Variants in COG5 observed in about 807,000 individuals in gnomAD.
COG5 encodes the protein component of oligomeric golgi complex 5.
A neutral mutation model predicts 110.4 loss-of-function variants in COG5; 86 were observed. The observed-to-expected ratio is 0.78, with a 90% CI of 0.65 to 0.93. The LOEUF (loss-of-function observed/expected upper bound fraction) is 0.93, where lower values mean the gene tolerates loss of function less well. COG5 is among the 40% of genes least tolerant of loss of function. COG5 has a pLI of 0.00. For missense variants in COG5, 1,077 were observed against 987.0 expected (o/e 1.09, Z -1.22); for synonymous variants, 360 against 334.6 (o/e 1.08, Z -0.83).
intron 10 of COG5, among the ~76,000 whole-genome samples, chr7:107,340,143 GA>G (rs1366402263): frequency 6.6e-6 from 1 of 151,016 alleles, no homozygotes. Context: ...GATTAACAAA[GA>G]AAAAAAAGAA....
chr7:107,358,887 C>T (rs1385333300), intron 10 of COG5, among the ~76,000 whole-genome samples: 2 of 152,104 alleles, frequency 1.3e-5, no homozygotes, highest in Admixed American at 6.5e-5. Context: ...TGCATCTGGT[C>T]TCCTCTAGAT....
intron 6 of COG5, among the ~76,000 whole-genome samples, chr7:107,525,326 C>T (rs1477724678): frequency 6.6e-6 from 1 of 151,944 alleles, no homozygotes; most frequent in Non-Finnish European, 1.5e-5. Flanking sequence ...CAAAATTTAG[C>T]ACTTTTTTAA....
intron 10 of COG5, among the ~76,000 whole-genome samples, chr7:107,346,845 C>T (rs1014354802): frequency 6.6e-6 from 1 of 152,064 alleles, no homozygotes; most frequent in Non-Finnish European, 1.5e-5. Context: ...AATGCTATCC[C>T]TCCCCACTCC....
intron 7 of COG5, among the ~76,000 whole-genome samples, chr7:107,376,965 A>G (rs1814689117): frequency 6.6e-6 from 1 of 152,154 alleles, no homozygotes; most frequent in African/African-American, 2.4e-5. Flanking sequence ...CTCTGTGGCT[A>G]CATTTACTAA....
intron 6 of COG5, among the ~76,000 whole-genome samples, chr7:107,512,633 C>G (rs1799609292): frequency 6.6e-6 from 1 of 152,318 alleles, no homozygotes; most frequent in South Asian, 2.1e-4. Flanking sequence ...ATCATGCTAC[C>G]TGACTTCAAA....
rs532833202 is a variant in COG5, at chr7:107,229,888, G to A, written c.2168+727C>T. 3.9e-5 allele frequency among the ~76,000 whole-genome samples: 5 copies of A among 128,754 alleles called. No homozygotes were observed. In the South Asian group the frequency reaches 1.2e-3, roughly 31 times the overall value. 84.5% of individuals were successfully genotyped at this position (128,754 alleles called of 152,430 possible). On this transcript the variant is annotated intron_variant, in intron 19 of 21. Coordinates refer to ENST00000297135, the MANE Select transcript of COG5 (RefSeq NM_006348.5). ...TTTTTTTGAGACAGAGTCTCACTCT[G>A]TCGCCAGGCTGGGGTGCACTGGCGT...
At chr7:107,295,981 T>C (rs1806705698) in intron 12 of COG5, among the ~76,000 whole-genome samples, 1 of 152,062 alleles carries the variant, frequency 6.6e-6, no homozygotes, top group Non-Finnish European at 1.5e-5. Flanking sequence ...TCAGTAGAGA[T>C]GGTGTTTCAC....
At chr7:107,432,100 G>C (rs1157680771) in intron 6 of COG5, among the ~76,000 whole-genome samples, 1 of 152,086 alleles carries the variant, frequency 6.6e-6, no homozygotes, top group Non-Finnish European at 1.5e-5. Context: ...ATGATCCTTT[G>C]TACCCATTAC....
intron 8 of COG5, among the ~76,000 whole-genome samples, chr7:107,370,336 T>A (rs1024094923): frequency 3.9e-5 from 6 of 151,964 alleles, no homozygotes; most frequent in Admixed American, 2.0e-4. Context: ...TAAAAAAAAA[T>A]TTTCCCTGAA....
chr7:107,548,431 A>T, intron 3 of COG5, 99 bp from the exon 4 acceptor site: 1 of 1,172,368 alleles, frequency 8.5e-7, no homozygotes. Context: ...TATAATTTTA[A>T]CTTTTTTTGT....
intron 10 of COG5, among the ~76,000 whole-genome samples, chr7:107,343,107 T>A (rs575496530): frequency 1.3e-5 from 2 of 152,218 alleles, no homozygotes; most frequent in Admixed American, 1.3e-4. Flanking sequence ...CTAAGCAAAT[T>A]AATACAGGAA....
intron 6 of COG5, among the ~76,000 whole-genome samples, chr7:107,460,029 A>G (rs190924178): frequency 1.3e-5 from 2 of 152,214 alleles, no homozygotes; most frequent in Non-Finnish European, 2.9e-5. Context: ...CATACAAATC[A>G]TGTTCTCTGA....
chr7:107,294,777 G>A (rs1168420895), intron 12 of COG5, among the ~76,000 whole-genome samples: 11 of 138,196 alleles, frequency 8.0e-5, no homozygotes, highest in South Asian at 4.7e-4. Context: ...GTGCAGTGGC[G>A]CGATCTCAGC....
intron 6 of COG5, among the ~76,000 whole-genome samples, chr7:107,430,532 C>T (rs146120390): frequency 2.9e-4 from 44 of 152,304 alleles, no homozygotes; most frequent in Admixed American, 5.2e-4. Flanking sequence ...AGTCCTCCAG[C>T]TGTGTTCTTT....
At chr7:107,379,523 AC>A (rs1430963665) in intron 7 of COG5, among the ~76,000 whole-genome samples, 2 of 149,562 alleles carry the variant, frequency 1.3e-5, no homozygotes, top group African/African-American at 4.9e-5. Flanking sequence ...TACTCAGGAG[AC>A]CCATCTCACG....
intron 6 of COG5, among the ~76,000 whole-genome samples, chr7:107,475,976 A>AT (rs1796953158): frequency 6.6e-6 from 1 of 151,450 alleles, no homozygotes; most frequent in African/African-American, 2.4e-5. Flanking sequence ...AAACCTCTGT[A>AT]TACACACCAA....
At chr7:107,397,478 C>G (rs139348044) in intron 7 of COG5, among the ~76,000 whole-genome samples, 2,273 of 152,030 alleles carry the variant, frequency 0.015, 57 homozygotes, top group African/African-American at 0.052. Flanking sequence ...CAGCCTCATC[C>G]AGCACCATCA....
chr7:107,220,937 C>T, intron 19 of COG5, among the ~76,000 whole-genome samples: 1 of 151,564 alleles, frequency 6.6e-6, no homozygotes, highest in East Asian at 1.9e-4. Context: ...CCTGCCTCAG[C>T]TTCCCAAGTA....
chr7:107,353,985 T>C (rs911452257), intron 10 of COG5, among the ~76,000 whole-genome samples: 2 of 152,212 alleles, frequency 1.3e-5, no homozygotes, highest in Non-Finnish European at 2.9e-5. Context: ...AGGATTACAT[T>C]GAAAACTAAG....
Sources: allele counts gnomAD v4.1 joint callset (sites outside exome capture counted in the v4.1 genomes callset), GRCh38; gene constraint gnomAD v4.1.1; transcripts MANE v1.5; gene names NCBI Gene and HGNC (gene_info 2026-07-23, HGNC 2026-07-21).